Variants in LYRM4 observed in about 807,000 individuals in gnomAD.
The protein encoded by LYRM4 is LYR motif-containing protein 4.
Under a neutral mutation model 11.7 loss-of-function variants are expected in LYRM4, and 9 were observed. The observed-to-expected ratio is 0.77, with a 90% confidence interval of 0.46 to 1.34. The LOEUF is 1.34. Among genes scored for constraint, LYRM4 ranks in the 40% most tolerant of loss-of-function variants. The pLI, the probability that LYRM4 is intolerant of heterozygous loss-of-function variation, is 0.00. For missense variants in LYRM4, 133 were observed against 112.5 expected (o/e 1.18, Z -0.82); for synonymous variants, 42 against 40.4 (o/e 1.04, Z -0.15).
rs149006636 is a variant in LYRM4 at position 5,157,949 on chromosome 6, G to A, written c.208-48458C>T. On this transcript the variant is annotated intron_variant, in intron 2 of 2. Transcript: ENST00000330636. ...GGCAGGCCCTGCTGCCATCCAGGAG[G>A]TCTAATGAAAAGAGGATGCAGGACT... Among the ~76,000 whole-genome samples the A allele has an allele frequency of 6.8e-3, 1,036 of 152,326 alleles. 12 individuals carry two copies. The highest frequency in any genetic ancestry group is 0.022 in the African/African-American group (925 of 41,580).
At chr6:5,085,892 A>C in the LYRM4 span, 1 of 1,531,332 alleles carries the variant, frequency 6.5e-7, no homozygotes, top group Non-Finnish European at 8.7e-7. Context: ...CAGTTCGCGG[A>C]CACGCTGGGG....
chr6:5,216,289 T>C (rs1236378873), intron 2 of LYRM4, among the ~76,000 whole-genome samples: 1 of 152,236 alleles, frequency 6.6e-6, no homozygotes, highest in Non-Finnish European at 1.5e-5. Context: ...ATATTTATAC[T>C]CTGAAATATA....
the LYRM4 span, among the ~76,000 whole-genome samples, chr6:5,058,765 T>C: frequency 6.6e-6 from 1 of 152,202 alleles, no homozygotes; most frequent in African/African-American, 2.4e-5. Context: ...CTCCCCACTA[T>C]TTTTATATAT....
intron 2 of LYRM4, among the ~76,000 whole-genome samples, chr6:5,138,343 G>A (rs1757208056): frequency 6.6e-6 from 1 of 151,772 alleles, no homozygotes; most frequent in African/African-American, 2.4e-5. Context: ...AACTAACTGG[G>A]CATGGTGGCA....
rs75681670 is a variant in LYRM4, at chr6:5,226,977, C to T, written c.87-10239G>A. 1.5e-3 allele frequency among the ~76,000 whole-genome samples: 224 copies of T among 151,972 alleles called. 1 individual carries two copies. Among genetic ancestry groups the T allele is most frequent in the South Asian group, 0.013 (61 of 4,818 alleles). ...GGAAGGGTATATACAATTAGATCTA[C>T]GCATATAAGCAGGTGAGATATATGA... On this transcript the variant is annotated intron_variant, in intron 1 of 2. Transcript: ENST00000330636.
At chr6:5,190,264 A>C (rs2127690054) in intron 2 of LYRM4, among the ~76,000 whole-genome samples, 1 of 152,286 alleles carries the variant, frequency 6.6e-6, no homozygotes, top group Non-Finnish European at 1.5e-5. Context: ...ATTTGGCTCA[A>C]ACTGAGAATG....
intron 2 of LYRM4, among the ~76,000 whole-genome samples, chr6:5,130,271 A>C (rs1763890447): frequency 6.6e-6 from 1 of 152,140 alleles, no homozygotes; most frequent in Non-Finnish European, 1.5e-5. Flanking sequence ...GGATTCTGGG[A>C]TTAGTGGGCC....
chr6:5,253,269 T>C (rs947905146), intron 1 of LYRM4, among the ~76,000 whole-genome samples: 1 of 152,228 alleles, frequency 6.6e-6, no homozygotes, highest in African/African-American at 2.4e-5. Flanking sequence ...GAGGGATACA[T>C]TGAATATAAT....
downstream of LYRM4, among the ~76,000 whole-genome samples, chr6:5,101,837 C>G (rs559642801): frequency 2.0e-4 from 30 of 152,190 alleles, no homozygotes; most frequent in African/African-American, 6.5e-4. Flanking sequence ...ACTCTGTCCC[C>G]TAGCCTAGAG....
chr6:5,163,067 A>G (rs1157629738), intron 2 of LYRM4, among the ~76,000 whole-genome samples: 2 of 152,150 alleles, frequency 1.3e-5, no homozygotes, highest in Non-Finnish European at 2.9e-5. Flanking sequence ...TTACTCTGAT[A>G]CCATAATTTT....
At chr6:5,158,075 A>G (rs1204963075) in intron 2 of LYRM4, among the ~76,000 whole-genome samples, 1 of 152,222 alleles carries the variant, frequency 6.6e-6, no homozygotes, top group African/African-American at 2.4e-5. Flanking sequence ...AAAAGAACAA[A>G]AGAAAAAAAG....
At chr6:5,064,962 C>G in the LYRM4 span, among the ~76,000 whole-genome samples, 3 of 152,076 alleles carry the variant, frequency 2.0e-5, no homozygotes, top group African/African-American at 7.2e-5. Flanking sequence ...AATAATGTTA[C>G]GTATCCACCA....
At chr6:5,067,696 T>C in the LYRM4 span, among the ~76,000 whole-genome samples, 1 of 152,234 alleles carries the variant, frequency 6.6e-6, no homozygotes, top group Non-Finnish European at 1.5e-5. Flanking sequence ...GGGAAACTAA[T>C]GGATTTTTTT....
chr6:5,227,198 T>C (rs778514062), intron 1 of LYRM4, among the ~76,000 whole-genome samples: 3 of 152,070 alleles, frequency 2.0e-5, no homozygotes, highest in Admixed American at 6.6e-5. Context: ...TCGATAAACC[T>C]GAAAATAAGG....
intron 2 of LYRM4, among the ~76,000 whole-genome samples, chr6:5,142,566 A>G (rs973863897): frequency 6.6e-6 from 1 of 152,210 alleles, no homozygotes; most frequent in African/African-American, 2.4e-5. Flanking sequence ...CTGTGCAGCA[A>G]TAACTGATAT....
At position 5,109,072 on chromosome 6, in the gene LYRM4, T is replaced by C. The variant is rs1264839387; in HGVS notation, c.*351A>G. On this transcript the variant is annotated 3_prime_UTR_variant, in exon 3 of 3. Coordinates refer to ENST00000330636, the MANE Select transcript of LYRM4 (RefSeq NM_020408.6). ...GAGGGGTTTATCTGGGGTCAAAGGCTCAGGGAGATCATTCTTTTTATTGCC... is the reference window on the plus strand; with the variant it reads ...GAGGGGTTTATCTGGGGTCAAAGGCCCAGGGAGATCATTCTTTTTATTGCC... 2 of 1,060,578 alleles carry C rather than the reference T, an allele frequency of 1.9e-6. No homozygotes were observed. The highest frequency in any genetic ancestry group is 2.3e-6 in the Non-Finnish European group (2 of 875,172). 65.7% of individuals were successfully genotyped at this position (1,060,578 alleles called of 1,614,324 possible).
At chr6:5,099,835 G>A (rs1255067089), downstream of LYRM4, among the ~76,000 whole-genome samples, 1 of 152,136 alleles carries the variant, frequency 6.6e-6, no homozygotes, top group Non-Finnish European at 1.5e-5. This position sits in a 1 kb window ranked among gnomAD's most constrained non-coding sequence, Gnocchi z 4.3. Flanking sequence ...TTTGAACCCA[G>A]GTCAATCTGA....
the LYRM4 span, among the ~76,000 whole-genome samples, chr6:5,048,037 G>C: frequency 6.6e-6 from 1 of 152,112 alleles, no homozygotes; most frequent in African/African-American, 2.4e-5. Flanking sequence ...ATTAAATTCT[G>C]GGTCATTGAA....
chr6:5,124,173 A>G (rs1300435386), intron 2 of LYRM4, among the ~76,000 whole-genome samples: 1 of 152,186 alleles, frequency 6.6e-6, no homozygotes, highest in Non-Finnish European at 1.5e-5. Context: ...CCTGAGGCCC[A>G]GTTTACTGAA....
Sources: gnomAD v4.1 joint callset for allele counts (sites outside exome capture counted in the v4.1 genomes callset) on GRCh38, gnomAD v4.1.1 for gene constraint, Gnocchi (gnomAD v3.1) non-coding constraint, MANE v1.5 for transcripts, NCBI Gene and HGNC (gene_info 2026-07-23, HGNC 2026-07-21) for gene names.